PDE3A: variants seen among roughly 807,000 people sequenced by gnomAD.
PDE3A encodes cGMP-inhibited 3',5'-cyclic phosphodiesterase 3A.
In PDE3A, 43 loss-of-function variants were observed where a neutral mutation model predicts 98.3. That is an observed-to-expected ratio of 0.44 (90% CI 0.34 to 0.56). The LOEUF (loss-of-function observed/expected upper bound fraction) is 0.56. PDE3A is among the 20% of genes least tolerant of loss of function. PDE3A has a pLI of 0.01. For missense variants in PDE3A, 1,427 were observed against 1,440.7 expected, an observed-to-expected ratio of 0.99 and a Z score of 0.15; for synonymous variants, 663 against 567.9, an observed-to-expected ratio of 1.17 and a Z score of -2.38.
intron 15 of PDE3A, among the ~76,000 whole-genome samples, chr12:20,666,246 T>C (rs747531313): frequency 6.6e-6 from 1 of 152,220 alleles, no homozygotes; most frequent in Non-Finnish European, 1.5e-5. Context: ...ATTACAGGCA[T>C]GAGCCACTGC....
chr12:20,637,803 A>G (rs956671853), intron 9 of PDE3A, among the ~76,000 whole-genome samples: 1 of 152,156 alleles, frequency 6.6e-6, no homozygotes, highest in Non-Finnish European at 1.5e-5. Flanking sequence ...CTTTTCACAT[A>G]AATAATTACT....
At chr12:20,666,442 C>T (rs1945315116) in intron 15 of PDE3A, among the ~76,000 whole-genome samples, 1 of 152,166 alleles carries the variant, frequency 6.6e-6, no homozygotes, top group African/African-American at 2.4e-5. Flanking sequence ...CAACCATACA[C>T]CCTTCTCAGC....
chr12:20,375,873 T>C (rs1252501440), intron 1 of PDE3A, among the ~76,000 whole-genome samples: 1 of 151,902 alleles, frequency 6.6e-6, no homozygotes, highest in Non-Finnish European at 1.5e-5. Flanking sequence ...ATTCATCTCC[T>C]CTCTGAAATT....
chr12:20,670,640 T>C (rs1194541266), intron 15 of PDE3A, among the ~76,000 whole-genome samples: 1 of 150,190 alleles, frequency 6.7e-6, no homozygotes, highest in African/African-American at 2.5e-5. Context: ...AAGATGTTCT[T>C]TGAAACCAAG....
intron 1 of PDE3A, among the ~76,000 whole-genome samples, chr12:20,398,750 C>G (rs537461980): frequency 2.0e-5 from 3 of 152,174 alleles, no homozygotes; most frequent in Non-Finnish European, 2.9e-5. Flanking sequence ...TCATTCATTC[C>G]TAGAATTTCA....
Position 20,638,222 on chromosome 12 carries a change from C to T in PDE3A, c.2139+985C>T, listed in dbSNP as rs77734397. Among the ~76,000 whole-genome samples the T allele has an allele frequency of 7.8e-3, 1,192 of 152,204 alleles. 17 individuals carry two copies. Among genetic ancestry groups the T allele is most frequent in the African/African-American group, 0.028 (1,144 of 41,530 alleles). ...CAACACATGTCTCAATGTGGAACTT[C>T]GTTTGGGGTGAGAATCCTAATCTGT... On this transcript the variant is annotated intron_variant, in intron 9 of 15. Coordinates refer to ENST00000359062, the MANE Select transcript of PDE3A (RefSeq NM_000921.5).
At chr12:20,672,559 T>C (rs1032352257) in intron 15 of PDE3A, among the ~76,000 whole-genome samples, 2 of 150,734 alleles carry the variant, frequency 1.3e-5, no homozygotes, top group Admixed American at 6.6e-5. Context: ...TCTACAACTA[T>C]CTGATCTTTG....
intron 15 of PDE3A, among the ~76,000 whole-genome samples, chr12:20,673,704 G>C (rs1945553382): frequency 8.1e-6 from 1 of 123,314 alleles, no homozygotes; most frequent in Non-Finnish European, 1.7e-5. Context: ...GTTGTGGGGT[G>C]GGGGGAGGGG....
At chr12:20,447,239 A>G (rs1169040673) in intron 1 of PDE3A, among the ~76,000 whole-genome samples, 1 of 152,210 alleles carries the variant, frequency 6.6e-6, no homozygotes, top group Non-Finnish European at 1.5e-5. Context: ...AAGTAGAGCC[A>G]GTTGAATTTG....
intron 1 of PDE3A, among the ~76,000 whole-genome samples, chr12:20,442,473 T>G (rs1451178515): frequency 2.6e-5 from 4 of 152,200 alleles, no homozygotes; most frequent in African/African-American, 7.2e-5. Flanking sequence ...ACGCTGGTTC[T>G]CAGCACTTCT....
At chr12:20,627,604 A>G (rs962041102) in intron 5 of PDE3A, among the ~76,000 whole-genome samples, 1 of 145,884 alleles carries the variant, frequency 6.9e-6, no homozygotes, top group Non-Finnish European at 1.5e-5. Flanking sequence ...TTCTCAGTCC[A>G]CCTTATCTAA....
chr12:20,546,202 A>G (rs1942053228), intron 1 of PDE3A, among the ~76,000 whole-genome samples: 1 of 152,000 alleles, frequency 6.6e-6, no homozygotes, highest in Admixed American at 6.6e-5. Context: ...AAATCCCAGT[A>G]TTGACGACTG....
chr12:20,639,048 A>G (rs4762978), intron 9 of PDE3A, among the ~76,000 whole-genome samples: 38,690 of 151,920 alleles, frequency 0.25, 5,054 homozygotes, highest in Non-Finnish European at 0.28. Context: ...GACTTATTAT[A>G]TCTTCAAGTT....
intron 1 of PDE3A, among the ~76,000 whole-genome samples, chr12:20,394,506 A>G (rs990691727): frequency 3.9e-5 from 6 of 152,076 alleles, no homozygotes; most frequent in Non-Finnish European, 4.4e-5. Context: ...GAAATGGACT[A>G]TTAATCTGAA....
chr12:20,370,684 G>C (rs1018680514), intron 1 of PDE3A, among the ~76,000 whole-genome samples: 1 of 152,060 alleles, frequency 6.6e-6, no homozygotes, highest in Non-Finnish European at 1.5e-5. Context: ...TTTTTAAAAA[G>C]TAAAATCTTT....
chr12:20,563,518 A>G (rs1269188302), intron 2 of PDE3A, among the ~76,000 whole-genome samples: 1 of 152,108 alleles, frequency 6.6e-6, no homozygotes, highest in Non-Finnish European at 1.5e-5. Flanking sequence ...TACTTTTTCT[A>G]CAAACATAGT....
intron 1 of PDE3A, among the ~76,000 whole-genome samples, chr12:20,521,915 A>G (rs1296350085): frequency 6.6e-6 from 1 of 152,138 alleles, no homozygotes; most frequent in Non-Finnish European, 1.5e-5. Context: ...CCACTTGCAA[A>G]CAGCATGCAG....
chr12:20,679,654 G>A (rs927870166), intron 15 of PDE3A, among the ~76,000 whole-genome samples: 4 of 152,060 alleles, frequency 2.6e-5, no homozygotes, highest in African/African-American at 9.7e-5. Flanking sequence ...GACAGAGACA[G>A]ACTAACAAGA....
chr12:20,416,582 A>G (rs1272316181), intron 1 of PDE3A, among the ~76,000 whole-genome samples: 1 of 152,188 alleles, frequency 6.6e-6, no homozygotes, highest in Non-Finnish European at 1.5e-5. Context: ...ATTTAGGCAT[A>G]CTTCACACGT....
Sources: allele counts gnomAD v4.1 joint callset (sites outside exome capture counted in the v4.1 genomes callset), GRCh38; gene constraint gnomAD v4.1.1; transcripts MANE v1.5; gene names NCBI Gene and HGNC (gene_info 2026-07-23, HGNC 2026-07-21).